PSMG1: variants seen among roughly 807,000 people sequenced by gnomAD.
PSMG1 encodes the protein proteasome assembly chaperone 1, also known as Down syndrome critical region gene 2.
PSMG1 carries 23 observed loss-of-function variants against 37.2 expected under a neutral mutation model. That is an observed-to-expected ratio of 0.62 (90% confidence interval 0.44 to 0.88). The LOEUF is 0.88. PSMG1 is among the 40% of genes least tolerant of loss of function. PSMG1 has a pLI of 0.00. For synonymous variants in PSMG1, 127 were observed against 128.0 expected (o/e 0.99, Z 0.05); for missense variants, 340 against 344.2 (o/e 0.99, Z 0.10).
intron 2 of PSMG1, 62 bp from the exon 3 acceptor site, chr21:39,180,498 A>T: frequency 6.9e-7 from 1 of 1,458,748 alleles, no homozygotes; most frequent in Non-Finnish European, 9.1e-7. Flanking sequence ...TCTATTCAAT[A>T]AAAAGTAAGC....
chr21:39,178,532 G>T lies in PSMG1; in HGVS notation c.572C>A (p.Ala191Asp). ...GTCTTTGAAATTCTGTGTTTTTAGG[G>T]CTCTCAGGAAAGGAGAAGGAAGGCT... ...TGSLPSPFLRALKTQNFKDSA... is the reference protein window; with the variant it reads ...TGSLPSPFLRDLKTQNFKDSA... Residue 191 changes from alanine (A) to aspartate (D), a missense_variant, in exon 5 of 7, where the codon GCC becomes GAC. By Grantham distance (126) the Ala-to-Asp change is moderately radical (BLOSUM62 -2). Transcript: ENST00000331573. 1.2e-6 allele frequency: 2 copies of T among 1,614,076 alleles called. No homozygotes were observed. The highest frequency in any genetic ancestry group is 1.7e-6 in the Non-Finnish European group (2 of 1,179,958).
At chr21:39,178,428 T>C (rs1453577955) in intron 5 of PSMG1, 21 bp downstream of exon 5, 21 of 1,585,202 alleles carry the variant, frequency 1.3e-5, no homozygotes, top group South Asian at 2.2e-5. Flanking sequence ...AGAATGTAAA[T>C]GTTACAAATT....
intron 2 of PSMG1, among the ~76,000 whole-genome samples, chr21:39,181,051 A>G (rs1268821914): frequency 6.6e-6 from 1 of 152,242 alleles, no homozygotes; most frequent in Non-Finnish European, 1.5e-5. Context: ...TATTAACTCA[A>G]AAACATTAAC....
chr21:39,179,838 A>G (rs1356514259), intron 4 of PSMG1, 86 bp downstream of exon 4: 21 of 1,099,248 alleles, frequency 1.9e-5, no homozygotes, highest in South Asian at 2.9e-5. Context: ...ATCTGACTGC[A>G]TAAGTTTAAG....
intron 6 of PSMG1, among the ~76,000 whole-genome samples, chr21:39,176,635 C>T (rs922274931): frequency 7.9e-5 from 12 of 152,180 alleles, no homozygotes; most frequent in Non-Finnish European, 1.5e-4. Flanking sequence ...ATTCAACATG[C>T]CAGGTATGTG....
At chr21:39,181,037 A>G (rs889337838) in intron 2 of PSMG1, among the ~76,000 whole-genome samples, 3 of 152,204 alleles carry the variant, frequency 2.0e-5, no homozygotes, top group Non-Finnish European at 4.4e-5. Context: ...TTCTCAAAGG[A>G]GTCTATTAAC....
rs977623871 is a variant in PSMG1, at chr21:39,174,994, T to C, written c.*596A>G. ...AATTTTGTTACTTTGTCATCAATTT[T>C]TACCCACAAGATAAAAAAAACTGCA... is the stretch of plus-strand genomic sequence containing the variant. On this transcript the variant is annotated 3_prime_UTR_variant, in exon 7 of 7. Coordinates refer to ENST00000331573, the MANE Select transcript of PSMG1 (RefSeq NM_003720.4). The C allele has an allele frequency of 1.3e-5, 2 of 152,212 alleles. No homozygotes were observed. Among genetic ancestry groups the C allele is most frequent in the African/African-American group, 4.8e-5 (2 of 41,432 alleles). 9.4% of individuals were successfully genotyped at this position (152,212 alleles called of 1,614,324 possible). A position where few individuals can be genotyped will look rare whatever the true frequency, so the allele number is the denominator to read the frequency against.
At chr21:39,177,869 TAACA>T (rs1195034250) in intron 5 of PSMG1, among the ~76,000 whole-genome samples, 3 of 152,230 alleles carry the variant, frequency 2.0e-5, no homozygotes, top group East Asian at 1.9e-4. Flanking sequence ...AGCATATAAA[TAACA>T]AATAAGTACA....
intron 2 of PSMG1, among the ~76,000 whole-genome samples, chr21:39,180,826 G>A (rs2030801842): frequency 6.6e-6 from 1 of 152,012 alleles, no homozygotes; most frequent in Admixed American, 6.5e-5. Flanking sequence ...ATCTTAACTG[G>A]GTTTCCTGAA....
At chr21:39,180,572 T>C in intron 2 of PSMG1, 136 bp from the exon 3 acceptor site, 1 of 810,812 alleles carries the variant, frequency 1.2e-6, no homozygotes, top group Non-Finnish European at 1.7e-6. Context: ...AATACCACCA[T>C]TATACAGAAA....
intron 4 of PSMG1, among the ~76,000 whole-genome samples, chr21:39,179,021 T>C (rs1421445387): frequency 1.3e-5 from 2 of 152,160 alleles, no homozygotes; most frequent in Non-Finnish European, 1.5e-5. Context: ...TGGTGATACG[T>C]GACTTCTCAC....
At chr21:39,183,120 G>C in intron 1 of PSMG1, 132 bp downstream of exon 1, 1 of 1,191,768 alleles carries the variant, frequency 8.4e-7, no homozygotes, top group Non-Finnish European at 1.1e-6. Flanking sequence ...CCCAAGCAGA[G>C]CCAAGGAGCG....
At chr21:39,181,206 G>A (rs2030814397) in intron 2 of PSMG1, among the ~76,000 whole-genome samples, 1 of 151,990 alleles carries the variant, frequency 6.6e-6, no homozygotes, top group South Asian at 2.1e-4. Context: ...GAGGATCGTG[G>A]CTCACTGCAG....
At chr21:39,181,911 C>A (rs199867602) in intron 1 of PSMG1, 33 bp from the exon 2 acceptor site, 2 of 1,475,348 alleles carry the variant, frequency 1.4e-6, no homozygotes, top group East Asian at 2.4e-5. Context: ...ACTAAAGCAA[C>A]TTCAATATAA....
At chr21:39,178,669 A>G in intron 4 of PSMG1, 22 bp from the exon 5 acceptor site, 1 of 1,587,516 alleles carries the variant, frequency 6.3e-7, no homozygotes, top group Non-Finnish European at 8.6e-7. Flanking sequence ...TTTATTTCAA[A>G]TTAAAAAAAA....
chr21:39,179,283 T>C (rs1296483862), intron 4 of PSMG1, among the ~76,000 whole-genome samples: 2 of 152,080 alleles, frequency 1.3e-5, no homozygotes, highest in African/African-American at 2.4e-5. Flanking sequence ...AACACAAGAA[T>C]AGATGAACAC....
Position 39,183,334 on chromosome 21 carries a change from T to G in PSMG1, c.52A>C (p.Thr18Pro). Residue 18 changes from threonine (T) to proline (P), a missense_variant, in exon 1 of 7, where the codon ACT becomes CCT. By Grantham distance (38) the Thr-to-Pro change is conservative (BLOSUM62 -1). Transcript: ENST00000331573. ...TCCTCCTCCTCCTCTTCGTCCTCAG[T>G]CCCAGCTCGGCACGGCGCCTTCACC... ...EVVKAPCRAGTEDEEEEEEGR... is the reference protein window; with the variant it reads ...EVVKAPCRAGPEDEEEEEEGR... 1 of 1,575,386 alleles carries G rather than the reference T, an allele frequency of 6.3e-7. No homozygotes were observed. Among genetic ancestry groups the G allele is most frequent in the Non-Finnish European group, 8.6e-7 (1 of 1,163,366 alleles).
intron 3 of PSMG1, 116 bp downstream of exon 3, chr21:39,180,169 A>G (rs1724437372): frequency 1.5e-6 from 2 of 1,336,318 alleles, no homozygotes; most frequent in Non-Finnish European, 2.0e-6. Flanking sequence ...TAGTATCAGA[A>G]AAAGTGCACA....
intron 3 of PSMG1, 31 bp from the exon 4 acceptor site, chr21:39,180,017 A>C: frequency 6.2e-7 from 1 of 1,607,704 alleles, no homozygotes; most frequent in African/African-American, 1.3e-5. Flanking sequence ...CTTTTTGTCA[A>C]GTAAGTTTTA....
Sources: gnomAD v4.1 joint callset for allele counts (sites outside exome capture counted in the v4.1 genomes callset) on GRCh38, gnomAD v4.1.1 for gene constraint, MANE v1.5 for transcripts, NCBI Gene and HGNC (gene_info 2026-07-23, HGNC 2026-07-21) for gene names.